NAV2: variants seen among roughly 807,000 people sequenced by gnomAD.
NAV2 encodes helicase, APC down-regulated 1.
A neutral mutation model predicts 223.2 loss-of-function variants in NAV2; 54 were observed. That is an observed-to-expected ratio of 0.24 (90% CI 0.19 to 0.30). The LOEUF (loss-of-function observed/expected upper bound fraction) is 0.30. NAV2 is among the 10% of genes least tolerant of loss of function. The pLI is 1.00. For missense variants in NAV2, 2,806 were observed against 3,147.5 expected (o/e 0.89, Z 2.60); for synonymous variants, 1,279 against 1,239.3 (o/e 1.03, Z -0.67).
At chr11:19,683,753 C>T (rs1465535363) in intron 1 of NAV2, among the ~76,000 whole-genome samples, 2 of 152,202 alleles carry the variant, frequency 1.3e-5, no homozygotes, top group African/African-American at 4.8e-5. Context: ...GTCATTCAGC[C>T]CCTGGGGTTG....
At chr11:19,377,333 T>C (rs1178271129) in intron 1 of NAV2, among the ~76,000 whole-genome samples, 1 of 152,200 alleles carries the variant, frequency 6.6e-6, no homozygotes. Context: ...ACCTTTGCAC[T>C]AGCTCTTTCT....
At chr11:19,471,075 A>G (rs568449882) in intron 1 of NAV2, among the ~76,000 whole-genome samples, 13 of 152,288 alleles carry the variant, frequency 8.5e-5, no homozygotes, top group Admixed American at 8.5e-4. Flanking sequence ...CCCCAGACTT[A>G]CAGCAGTATT....
intron 6 of NAV2, among the ~76,000 whole-genome samples, chr11:19,926,215 T>C (rs1184732338): frequency 6.6e-6 from 1 of 152,224 alleles, no homozygotes; most frequent in Non-Finnish European, 1.5e-5. Context: ...TCCTCATCCT[T>C]ATTCTAGCTT....
intron 31 of NAV2, among the ~76,000 whole-genome samples, chr11:20,099,876 T>C (rs1443789266): frequency 6.6e-6 from 1 of 152,176 alleles, no homozygotes; most frequent in African/African-American, 2.4e-5. Context: ...CTACACTCCA[T>C]ACTTTGCATT....
At chr11:19,876,461 C>T (rs1352490542) in intron 4 of NAV2, among the ~76,000 whole-genome samples, 6 of 152,100 alleles carry the variant, frequency 3.9e-5, no homozygotes, top group Middle Eastern at 3.4e-3. Flanking sequence ...AGTGTATAAA[C>T]GATGGACTGT....
intron 1 of NAV2, among the ~76,000 whole-genome samples, chr11:19,668,556 A>T (rs1375268984): frequency 1.3e-5 from 2 of 150,826 alleles, no homozygotes; most frequent in African/African-American, 4.9e-5. Flanking sequence ...AAAAAAAAAA[A>T]GTAGCCCTAC....
intron 1 of NAV2, among the ~76,000 whole-genome samples, chr11:19,352,125 T>C (rs1853362937): frequency 6.6e-6 from 1 of 152,232 alleles, no homozygotes; most frequent in Admixed American, 6.5e-5. Flanking sequence ...CTGAAACTGC[T>C]GTCGCTATAA....
intron 11 of NAV2, 52 bp downstream of exon 11, chr11:19,984,299 G>C (rs764442750): frequency 6.2e-7 from 1 of 1,611,094 alleles, no homozygotes. Context: ...TCCCAGGGGG[G>C]CCCTGAGAAA....
At chr11:20,049,457 G>A (rs1193986135) in intron 15 of NAV2, among the ~76,000 whole-genome samples, 1 of 151,794 alleles carries the variant, frequency 6.6e-6, no homozygotes, top group Non-Finnish European at 1.5e-5. Flanking sequence ...ATTTGAAATG[G>A]CATTCAGCTT....
At chr11:19,458,370 G>A (rs1039918790) in intron 1 of NAV2, among the ~76,000 whole-genome samples, 4 of 152,190 alleles carry the variant, frequency 2.6e-5, no homozygotes, top group Non-Finnish European at 5.9e-5. Flanking sequence ...TCCTTTACTT[G>A]CACACGGAAT....
intron 3 of NAV2, among the ~76,000 whole-genome samples, chr11:19,866,850 A>T (rs1306640588): frequency 6.6e-6 from 1 of 152,164 alleles, no homozygotes; most frequent in African/African-American, 2.4e-5. Context: ...AGATTCCGGG[A>T]TGGTGAGCTT....
intron 12 of NAV2, among the ~76,000 whole-genome samples, chr11:20,042,291 C>T (rs1292823534): frequency 6.6e-6 from 1 of 152,198 alleles, no homozygotes; most frequent in Non-Finnish European, 1.5e-5. Context: ...GATAATTTTG[C>T]TAATGTCTGT....
intron 1 of NAV2, among the ~76,000 whole-genome samples, chr11:19,374,071 C>A (rs1455541996): frequency 6.6e-6 from 1 of 152,180 alleles, no homozygotes; most frequent in Non-Finnish European, 1.5e-5. Context: ...TCAGTATGTA[C>A]ATTTTATAGC....
Position 19,494,887 on chromosome 11 carries a change from G to A in NAV2, c.75+143860G>A, listed in dbSNP as rs190042031. Among the ~76,000 whole-genome samples, 30 of 152,280 alleles carry A rather than the reference G, an allele frequency of 2.0e-4. No individual in the cohort carries two copies. The East Asian group carries it at 2.9e-3, about 15-fold the overall frequency. ...GTTAGCCTCCAGCAGCTGACCCCCC[G>A]GGCTGTTGTGGTGCTGCAGGCTTCT... is the stretch of plus-strand genomic sequence containing the variant. On this transcript the variant is annotated intron_variant, in intron 1 of 37. Transcript: ENST00000360655.
At chr11:19,585,316 G>A (rs966642918) in intron 1 of NAV2, among the ~76,000 whole-genome samples, 1 of 152,104 alleles carries the variant, frequency 6.6e-6, no homozygotes, top group Non-Finnish European at 1.5e-5. Flanking sequence ...ACACTGATGG[G>A]TCTTGACTCT....
intron 25 of NAV2, among the ~76,000 whole-genome samples, chr11:20,082,045 T>A (rs931693720): frequency 6.6e-6 from 1 of 152,326 alleles, no homozygotes; most frequent in East Asian, 1.9e-4. Context: ...TTTCCCCCCA[T>A]ATGGTTAATA....
intron 1 of NAV2, among the ~76,000 whole-genome samples, chr11:19,497,066 A>G (rs541112514): frequency 6.6e-6 from 1 of 152,332 alleles, no homozygotes; most frequent in African/African-American, 2.4e-5. Flanking sequence ...AGAATTAAAG[A>G]TAGTACCCAT....
chr11:19,734,689 G>C (rs1426551918), intron 1 of NAV2, among the ~76,000 whole-genome samples: 1 of 152,204 alleles, frequency 6.6e-6, no homozygotes, highest in Non-Finnish European at 1.5e-5. Flanking sequence ...GATGGGAAAA[G>C]TTCATGCATC....
intron 1 of NAV2, among the ~76,000 whole-genome samples, chr11:19,814,599 C>T (rs369661937): frequency 3.3e-5 from 5 of 152,068 alleles, no homozygotes; most frequent in Non-Finnish European, 5.9e-5. Flanking sequence ...AGCTGTGTGG[C>T]GCTCTGGTTT....
Sources: gnomAD v4.1 joint callset for allele counts (sites outside exome capture counted in the v4.1 genomes callset) on GRCh38, gnomAD v4.1.1 for gene constraint, MANE v1.5 for transcripts, NCBI Gene and HGNC (gene_info 2026-07-23, HGNC 2026-07-21) for gene names.